The following TBXAS1 variants were observed in gnomAD, a reference collection of about 807,000 sequenced individuals.
The protein encoded by TBXAS1 is thromboxane-A synthase.
In TBXAS1, 48 loss-of-function variants were observed where a neutral mutation model predicts 60.7. The observed-to-expected ratio is 0.79, with a 90% CI of 0.63 to 1.01. The LOEUF is 1.01. Ranked by LOEUF, TBXAS1 falls within the 50% of genes least tolerant of loss-of-function variation. The probability of loss-of-function intolerance (pLI) is 0.00; values close to 1 mark genes in which losing one functional copy is unlikely to be tolerated. For missense variants in TBXAS1, 685 were observed against 686.3 expected, an observed-to-expected ratio of 1.00 and a Z score of 0.02; for synonymous variants, 287 against 269.7, an observed-to-expected ratio of 1.06 and a Z score of -0.63.
chr7:139,888,273 G>GC (rs1276408326), intron 3 of TBXAS1, among the ~76,000 whole-genome samples: 2 of 152,036 alleles, frequency 1.3e-5, no homozygotes, highest in Non-Finnish European at 2.9e-5. Context: ...TCTGCCTTCA[G>GC]CCCCCTCCAA....
chr7:139,810,101 A>G (rs1797989482), intron 4 of TBXAS1, among the ~76,000 whole-genome samples: 1 of 149,292 alleles, frequency 6.7e-6, no homozygotes, highest in Non-Finnish European at 1.5e-5. Context: ...CAGTGGTGTG[A>G]TCTCGGCTCA....
At chr7:139,899,043 G>A (rs898489207) in intron 3 of TBXAS1, among the ~76,000 whole-genome samples, 1 of 150,668 alleles carries the variant, frequency 6.6e-6, no homozygotes, top group African/African-American at 2.5e-5. Flanking sequence ...AGTCACATGC[G>A]CTCATTATAA....
chr7:139,998,107 G>A (rs891292257), intron 9 of TBXAS1, among the ~76,000 whole-genome samples: 1 of 152,174 alleles, frequency 6.6e-6, no homozygotes, highest in Non-Finnish European at 1.5e-5. Flanking sequence ...GCAAAAGAAG[G>A]CAGACCGAAA....
intron 1 of TBXAS1, among the ~76,000 whole-genome samples, chr7:139,843,732 T>C (rs1799622020): frequency 6.6e-6 from 1 of 152,210 alleles, no homozygotes; most frequent in Admixed American, 6.5e-5. Flanking sequence ...AGCCAGTGAG[T>C]GCCCTCTACA....
rs1802292734 is a variant in TBXAS1 at position 139,877,076 on chromosome 7, CA to C, written c.236+1441del. On this transcript the variant is annotated intron_variant, in intron 3 of 12. Coordinates refer to ENST00000448866, the MANE Select transcript of TBXAS1 (RefSeq NM_001061.7). The stretch of plus-strand genomic sequence containing the variant: ...TCAGCTTATACCCTATTGGTTAAAC[CA>C]AGTCACACGGCTAAACCCAAGATGT... 2.0e-5 allele frequency among the ~76,000 whole-genome samples: 3 copies of C among 152,162 alleles called. No individual in the cohort carries two copies. In the South Asian group the frequency reaches 6.2e-4, roughly 31 times the overall value.
At chr7:139,809,146 G>A (rs1304619742) in intron 4 of TBXAS1, among the ~76,000 whole-genome samples, 1 of 147,614 alleles carries the variant, frequency 6.8e-6, no homozygotes, top group African/African-American at 2.6e-5. Context: ...GGACCAATAG[G>A]AGATAGGTAG....
chr7:140,010,149 C>T (rs1364696716), intron 10 of TBXAS1, among the ~76,000 whole-genome samples: 1 of 151,872 alleles, frequency 6.6e-6, no homozygotes, highest in Non-Finnish European at 1.5e-5. Flanking sequence ...ACCCTATCAG[C>T]TCTGCTGGCT....
At chr7:139,988,264 C>T (rs1360601879) in intron 9 of TBXAS1, among the ~76,000 whole-genome samples, 3 of 152,262 alleles carry the variant, frequency 2.0e-5, no homozygotes, top group Non-Finnish European at 2.9e-5. Flanking sequence ...ACCCTGAGGC[C>T]ATCACCTCTG....
intron 3 of TBXAS1, among the ~76,000 whole-genome samples, chr7:139,898,806 C>T (rs1480417880): frequency 6.6e-6 from 1 of 152,168 alleles, no homozygotes; most frequent in Non-Finnish European, 1.5e-5. Context: ...AAACTATTCT[C>T]ATCTGACCTC....
chr7:139,813,970 C>G (rs1798087204), intron 4 of TBXAS1, among the ~76,000 whole-genome samples: 2 of 152,178 alleles, frequency 1.3e-5, no homozygotes, highest in Non-Finnish European at 2.9e-5. Context: ...TTTCATTTTT[C>G]TGGCCCTTTT....
chr7:139,978,343 C>T (rs1364151082), intron 9 of TBXAS1, among the ~76,000 whole-genome samples: 3 of 151,810 alleles, frequency 2.0e-5, no homozygotes, highest in Non-Finnish European at 4.4e-5. Context: ...AACCCAGTCT[C>T]TACTAAAAAT....
chr7:139,856,670 G>C (rs973980442), intron 1 of TBXAS1, among the ~76,000 whole-genome samples: 5 of 152,170 alleles, frequency 3.3e-5, no homozygotes, highest in African/African-American at 4.8e-5. Context: ...CGCCTTCATG[G>C]GTCCCATGTA....
In TBXAS1 at chr7:139,852,065, G is replaced by A. The variant is rs1800255552; in HGVS notation, c.90-20170G>A. ...GGCTCATATGGCAAAGCCAGCTACA[G>A]CTCCATAAGCAAGCATGGACACCAT... On this transcript the variant is annotated intron_variant, in intron 1 of 12. Transcript: ENST00000448866. This position sits in a 1 kb window ranked among gnomAD's most constrained non-coding sequence, Gnocchi z 4.4. Among the ~76,000 whole-genome samples, 1 of 152,206 alleles carries A rather than the reference G, an allele frequency of 6.6e-6. No individual in the cohort carries two copies. Among genetic ancestry groups the A allele is most frequent in the Admixed American group, 6.5e-5 (1 of 15,282 alleles).
rs1372005746 is a variant in TBXAS1, at chr7:139,804,799, G to A, written c.-80+17373G>A. Among the ~76,000 whole-genome samples, 4 of 152,130 alleles carry A rather than the reference G, an allele frequency of 2.6e-5. No individual in the cohort carries two copies. In the East Asian group the frequency reaches 5.8e-4, roughly 22 times the overall value. Reference sequence around the variant, plus strand: ...TCCTCCTTTGCTTTCCACCATAATTGTGAGGCCTCCCACCCATGTGAAACT... The same window carrying A: ...TCCTCCTTTGCTTTCCACCATAATTATGAGGCCTCCCACCCATGTGAAACT... On this transcript the variant is annotated intron_variant, in intron 4 of 16. Transcript: ENST00000336425.
intron 1 of TBXAS1, among the ~76,000 whole-genome samples, chr7:139,850,613 C>A (rs552102379): frequency 6.6e-6 from 1 of 152,130 alleles, no homozygotes; most frequent in South Asian, 2.1e-4. Flanking sequence ...CTGAATGTGA[C>A]CTGATTTGGA....
At chr7:139,991,995 C>A (rs1427207199) in intron 9 of TBXAS1, among the ~76,000 whole-genome samples, 13 of 152,128 alleles carry the variant, frequency 8.5e-5, no homozygotes, top group Non-Finnish European at 2.9e-5. Flanking sequence ...CGTGGGAATC[C>A]CTCATATGGG....
Position 140,013,039 on chromosome 7 carries a change from C to A in TBXAS1, c.1227-2684C>A, listed in dbSNP as rs1375408739. On this transcript the variant is annotated intron_variant, in intron 10 of 12. Coordinates refer to ENST00000448866, the MANE Select transcript of TBXAS1 (RefSeq NM_001061.7). This position sits in a 1 kb window ranked among gnomAD's most constrained non-coding sequence, Gnocchi z 4.2. Reference sequence around the variant, plus strand: ...TTGGGCAAGATGAGTGAGCTGAGATCGCGCCACTGCACTCCAGCCTGGGCA... The same window carrying A: ...TTGGGCAAGATGAGTGAGCTGAGATAGCGCCACTGCACTCCAGCCTGGGCA... Among the ~76,000 whole-genome samples, 3 of 148,792 alleles carry A rather than the reference C, an allele frequency of 2.0e-5. No homozygotes were observed. The highest frequency in any genetic ancestry group is 6.8e-5 in the Admixed American group (1 of 14,786).
At chr7:139,813,837 T>C (rs1798083819) in intron 4 of TBXAS1, among the ~76,000 whole-genome samples, 1 of 152,220 alleles carries the variant, frequency 6.6e-6, no homozygotes, top group African/African-American at 2.4e-5. Flanking sequence ...ATTTGAGACC[T>C]GGTACCCAAA....
intron 11 of TBXAS1, 143 bp from the exon 12 acceptor site, chr7:140,017,528 A>C (rs896779131): frequency 2.7e-5 from 30 of 1,105,876 alleles, no homozygotes; most frequent in Non-Finnish European, 3.6e-5. Context: ...AGAGGGACTG[A>C]GGCTCAGGAA....
Sources: gnomAD v4.1 joint callset for allele counts (sites outside exome capture counted in the v4.1 genomes callset) on GRCh38, gnomAD v4.1.1 for gene constraint, Gnocchi (gnomAD v3.1) non-coding constraint, MANE v1.5 for transcripts, NCBI Gene and HGNC (gene_info 2026-07-23, HGNC 2026-07-21) for gene names.